OPTN: variants seen among roughly 807,000 people sequenced by gnomAD.
OPTN encodes E3-14.7K-interacting protein.
OPTN carries 54 observed loss-of-function variants against 70.4 expected under a neutral mutation model. That is an observed-to-expected ratio of 0.77 (90% CI 0.62 to 0.96). The LOEUF is 0.96. OPTN is among the 40% of genes least tolerant of loss of function. OPTN has a pLI of 0.00. For missense variants in OPTN, 624 were observed against 673.2 expected (o/e 0.93, Z 0.81); for synonymous variants, 256 against 248.5 (o/e 1.03, Z -0.28).
chr10:13,107,387 CTTT>C (rs869161209), intron 1 of OPTN, among the ~76,000 whole-genome samples: 10 of 117,178 alleles, frequency 8.5e-5, no homozygotes, highest in African/African-American at 1.0e-4. Flanking sequence ...CCAAAACAGT[CTTT>C]TTTTTTTTTT....
At chr10:13,107,994 G>A (rs1292173594) in intron 1 of OPTN, 144 bp from the exon 2 acceptor site, 1 of 152,212 alleles carries the variant, frequency 6.6e-6, no homozygotes, top group African/African-American at 2.4e-5. Context: ...TGTCCACATG[G>A]ATGCCTCTAC....
At chr10:13,107,961 T>A (rs899721741) in intron 1 of OPTN, among the ~76,000 whole-genome samples, 177 bp from the exon 2 acceptor site, 4 of 152,230 alleles carry the variant, frequency 2.6e-5, no homozygotes, top group Non-Finnish European at 5.9e-5. Flanking sequence ...AGTGGGGATT[T>A]ACTCATTGGT....
intron 11 of OPTN, among the ~76,000 whole-genome samples, chr10:13,126,930 A>G (rs547160608): frequency 6.6e-6 from 1 of 152,278 alleles, no homozygotes; most frequent in South Asian, 2.1e-4. Flanking sequence ...AGGCTGAGGC[A>G]GGAGGATCAC....
At chr10:13,125,381 G>C in intron 9 of OPTN, 37 bp from the exon 10 acceptor site, 2 of 1,612,828 alleles carry the variant, frequency 1.2e-6, no homozygotes, top group Non-Finnish European at 1.7e-6. Context: ...ACGTAAAGGA[G>C]CATTGTTTAT....
At position 13,136,950 on chromosome 10, in the gene OPTN, C is replaced by T; in HGVS notation, c.*84C>T. 1.3e-6 allele frequency: 2 copies of T among 1,565,434 alleles called. No homozygotes were observed. The highest frequency in any genetic ancestry group is 1.8e-6 in the Non-Finnish European group (2 of 1,140,130). Reference sequence around the variant, plus strand: ...GTTGTGCTTTTGTGTTATTTGTTTTCACTCAAATATTTTGCCTCATTATTC... The same window carrying T: ...GTTGTGCTTTTGTGTTATTTGTTTTTACTCAAATATTTTGCCTCATTATTC... On this transcript the variant is annotated 3_prime_UTR_variant, in exon 15 of 15. Coordinates refer to ENST00000378747, the MANE Select transcript of OPTN (RefSeq NM_001008212.2).
chr10:13,126,064 C>T, intron 11 of OPTN, 25 bp downstream of exon 11: 2 of 1,344,758 alleles, frequency 1.5e-6, no homozygotes, highest in Non-Finnish European at 2.1e-6. Flanking sequence ...AAATTACTTC[C>T]ATAGCCTAGT....
chr10:13,104,634 T>C (rs61743995), intron 1 of OPTN: 122,735 of 686,714 alleles, frequency 0.18, 14,013 homozygotes, highest in African/African-American at 0.36. Context: ...ATTCCAGTAT[T>C]GTTCTGTTGC....
At chr10:13,122,717 G>A (rs986701647) in intron 8 of OPTN, 11 of 465,488 alleles carry the variant, frequency 2.4e-5, no homozygotes, top group South Asian at 7.9e-5. Flanking sequence ...TCACTCTGTC[G>A]CCAGGCTGGA....
chr10:13,120,332 T>C (rs1418256604), intron 7 of OPTN, among the ~76,000 whole-genome samples: 2 of 152,194 alleles, frequency 1.3e-5, no homozygotes, highest in Non-Finnish European at 2.9e-5. Flanking sequence ...TCTTTTCCCT[T>C]GATGGTATCA....
intron 14 of OPTN, among the ~76,000 whole-genome samples, chr10:13,134,000 G>T (rs1833647447): frequency 6.6e-6 from 1 of 152,036 alleles, no homozygotes; most frequent in Admixed American, 6.6e-5. Context: ...ATAGAGATGG[G>T]GTTTCACCGT....
At chr10:13,100,372 G>C (rs1832712312) in intron 1 of OPTN, 70 bp downstream of exon 1, 3 of 152,264 alleles carry the variant, frequency 2.0e-5, no homozygotes, top group Admixed American at 6.5e-5. Flanking sequence ...GCGCTTCCGC[G>C]GCCTGAAAAC....
At chr10:13,124,669 G>A (rs1295391729) in intron 9 of OPTN, among the ~76,000 whole-genome samples, 2 of 152,210 alleles carry the variant, frequency 1.3e-5, no homozygotes, top group African/African-American at 2.4e-5. Context: ...ATACGGAGGT[G>A]TGTGTGTTTT....
chr10:13,117,237 T>C (rs1420266161), intron 6 of OPTN, among the ~76,000 whole-genome samples: 8 of 148,674 alleles, frequency 5.4e-5, no homozygotes, highest in East Asian at 2.1e-4. Flanking sequence ...CCCACCACCA[T>C]GCCCGGCTAA....
intron 5 of OPTN, among the ~76,000 whole-genome samples, chr10:13,113,788 T>C (rs1833062847): frequency 6.6e-6 from 1 of 152,166 alleles, no homozygotes; most frequent in Non-Finnish European, 1.5e-5. Flanking sequence ...CCGGGTGTAA[T>C]GGCTCACGCC....
Position 13,127,771 on chromosome 10 carries a change from G to A in OPTN, c.1269G>A (p.Leu423=), listed in dbSNP as rs769491262. Residue 423 remains leucine (L), a synonymous_variant, in exon 12 of 15, where the codon CTG becomes CTA. Transcript: ENST00000378747. ...CAGAAAAAGTGGACAGGGCAGTGCT[G>A]AAGGAACTGAGTGAAAAACTGGAAC... is the stretch of plus-strand genomic sequence containing the variant. ...KESEKVDRAV[L]KELSEKLELA... 24 of 1,614,054 alleles carry A rather than the reference G, an allele frequency of 1.5e-5. No individual in the cohort carries two copies. Among genetic ancestry groups the A allele is most frequent in the Non-Finnish European group, 2.0e-5 (24 of 1,180,016 alleles).
intron 6 of OPTN, 76 bp from the exon 7 acceptor site, chr10:13,118,812 C>G (rs563813167): frequency 6.4e-6 from 8 of 1,257,494 alleles, no homozygotes; most frequent in Non-Finnish European, 7.0e-6. Context: ...AAGCTGGTCC[C>G]AGTTATATTG....
At chr10:13,111,568 C>T (rs531591650) in intron 4 of OPTN, among the ~76,000 whole-genome samples, 14 of 151,968 alleles carry the variant, frequency 9.2e-5, no homozygotes, top group Non-Finnish European at 1.8e-4. Flanking sequence ...CATGGTAGTG[C>T]GTGCCTGTAG....
chr10:13,114,083 AG>A (rs1387083946), intron 5 of OPTN, among the ~76,000 whole-genome samples: 1 of 152,036 alleles, frequency 6.6e-6, no homozygotes, highest in Non-Finnish European at 1.5e-5. Flanking sequence ...TAAAAAAAAA[AG>A]AAAAGAAAAA....
chr10:13,127,598 C>T (rs763158658), intron 11 of OPTN, 147 bp from the exon 12 acceptor site: 1 of 821,432 alleles, frequency 1.2e-6, no homozygotes, highest in East Asian at 2.7e-5. Flanking sequence ...CTCAAACGAT[C>T]CTCCCACCTC....
Sources: allele counts gnomAD v4.1 joint callset (sites outside exome capture counted in the v4.1 genomes callset), GRCh38; gene constraint gnomAD v4.1.1; transcripts MANE v1.5; gene names NCBI Gene and HGNC (gene_info 2026-07-23, HGNC 2026-07-21).